GRM1: variants seen among roughly 807,000 people sequenced by gnomAD.
GRM1 encodes glutamate metabotropic receptor 1.
In GRM1, 33 loss-of-function variants were observed where a neutral mutation model predicts 90.9. The observed-to-expected ratio is 0.36, with a 90% CI of 0.28 to 0.49. The LOEUF (loss-of-function observed/expected upper bound fraction) is 0.49. GRM1 is among the 20% of genes least tolerant of loss of function. The pLI is 0.99. For synonymous variants in GRM1, 700 were observed against 613.2 expected (o/e 1.14, Z -2.09); for missense variants, 1,190 against 1,534.3 (o/e 0.78, Z 3.75).
At chr6:146,032,484 C>T (rs1562416238) in intron 1 of GRM1, among the ~76,000 whole-genome samples, 4 of 152,236 alleles carry the variant, frequency 2.6e-5, no homozygotes, top group Admixed American at 2.6e-4. Flanking sequence ...TGAGGTTTTG[C>T]CCTCCTGCTT....
chr6:146,394,666 A>G (rs1242614006), intron 6 of GRM1, among the ~76,000 whole-genome samples: 2 of 152,148 alleles, frequency 1.3e-5, no homozygotes, highest in African/African-American at 2.4e-5. Context: ...AAATGTCCTC[A>G]TATCACTGGA....
intron 1 of GRM1, among the ~76,000 whole-genome samples, chr6:146,045,996 T>G (rs1297396168): frequency 6.6e-6 from 1 of 151,918 alleles, no homozygotes; most frequent in African/African-American, 2.4e-5. Flanking sequence ...GTGTACTGAG[T>G]AGGAGGACCT....
intron 1 of GRM1, among the ~76,000 whole-genome samples, chr6:146,102,620 C>T (rs1777086924): frequency 6.6e-6 from 1 of 152,152 alleles, no homozygotes; most frequent in South Asian, 2.1e-4. Flanking sequence ...ATTTGGAGCA[C>T]TTATCAGCTT....
chr6:146,258,637 G>A (rs1159587055), intron 2 of GRM1, among the ~76,000 whole-genome samples: 1 of 151,914 alleles, frequency 6.6e-6, no homozygotes, highest in Non-Finnish European at 1.5e-5. Flanking sequence ...CTCCTGCCAT[G>A]GCCTCTGAAA....
intron 1 of GRM1, among the ~76,000 whole-genome samples, chr6:146,130,644 G>A (rs1776367285): frequency 6.6e-6 from 1 of 151,944 alleles, no homozygotes; most frequent in African/African-American, 2.4e-5. Flanking sequence ...TAAAACTCCA[G>A]AGAATCTTAT....
At chr6:146,267,789 A>C (rs1781975112) in intron 2 of GRM1, among the ~76,000 whole-genome samples, 1 of 149,468 alleles carries the variant, frequency 6.7e-6, no homozygotes, top group Admixed American at 6.7e-5. Flanking sequence ...CTTTATATTC[A>C]CTGGTGGCTG....
intron 3 of GRM1, among the ~76,000 whole-genome samples, chr6:146,325,151 T>C (rs910163770): frequency 6.6e-6 from 1 of 152,192 alleles, no homozygotes; most frequent in African/African-American, 2.4e-5. Context: ...ATTACTGTCC[T>C]GAGTTTCATG....
At chr6:146,094,733 A>T (rs955284195) in intron 1 of GRM1, among the ~76,000 whole-genome samples, 1 of 152,136 alleles carries the variant, frequency 6.6e-6, no homozygotes, top group Non-Finnish European at 1.5e-5. Flanking sequence ...GAATAGGAGA[A>T]TAATCAATAC....
chr6:146,374,667 T>C (rs1027319782), intron 5 of GRM1, among the ~76,000 whole-genome samples: 3 of 152,144 alleles, frequency 2.0e-5, no homozygotes, highest in African/African-American at 7.2e-5. Context: ...CAGTTGTTCA[T>C]AGTAGCCAGT....
intron 3 of GRM1, among the ~76,000 whole-genome samples, chr6:146,338,936 C>T (rs1009054755): frequency 6.6e-6 from 1 of 152,178 alleles, no homozygotes; most frequent in Non-Finnish European, 1.5e-5. Context: ...TATGCCCAGC[C>T]TCCTCCATAA....
intron 2 of GRM1, among the ~76,000 whole-genome samples, chr6:146,288,258 G>A (rs1175559689): frequency 6.6e-6 from 1 of 152,132 alleles, no homozygotes; most frequent in Admixed American, 6.5e-5. Flanking sequence ...GTAGAAACAA[G>A]GATGTTATAG....
intron 2 of GRM1, chr6:146,171,338 G>C (rs1778115934): frequency 6.6e-6 from 1 of 152,480 alleles, no homozygotes; most frequent in South Asian, 2.1e-4. Flanking sequence ...ACGCCACTCT[G>C]CATCCTACAG....
chr6:146,219,194 T>C (rs1365534542), intron 2 of GRM1, among the ~76,000 whole-genome samples: 1 of 152,180 alleles, frequency 6.6e-6, no homozygotes, highest in Non-Finnish European at 1.5e-5. Context: ...TTGAAGTAGT[T>C]TTTTAAAAGT....
At chr6:146,123,964 T>G (rs566086079) in intron 1 of GRM1, among the ~76,000 whole-genome samples, 1 of 152,334 alleles carries the variant, frequency 6.6e-6, no homozygotes, top group South Asian at 2.1e-4. Context: ...GTTTCGAGTT[T>G]TAGTAATAAA....
intron 1 of GRM1, among the ~76,000 whole-genome samples, chr6:146,032,067 G>A (rs1467428854): frequency 2.0e-5 from 3 of 152,100 alleles, no homozygotes; most frequent in Non-Finnish European, 4.4e-5. Context: ...GCTTTCTGAG[G>A]AGTAGAATTA....
At chr6:146,247,128 G>A (rs912852095) in intron 2 of GRM1, among the ~76,000 whole-genome samples, 1 of 152,144 alleles carries the variant, frequency 6.6e-6, no homozygotes, top group African/African-American at 2.4e-5. Context: ...AGTCCACAAG[G>A]TGTAACACAC....
intron 2 of GRM1, among the ~76,000 whole-genome samples, chr6:146,214,965 C>T (rs142174734): frequency 6.6e-6 from 1 of 152,152 alleles, no homozygotes; most frequent in Admixed American, 6.5e-5. Flanking sequence ...TGTGATCTAC[C>T]TTGCTCTGAA....
intron 1 of GRM1, among the ~76,000 whole-genome samples, chr6:146,124,755 T>A (rs1776132450): frequency 1.3e-5 from 2 of 152,176 alleles, no homozygotes; most frequent in Admixed American, 1.3e-4. Flanking sequence ...CAGAGCATTT[T>A]TATAACTTTA....
At chr6:146,387,555 A>T (rs1776553660) in intron 6 of GRM1, among the ~76,000 whole-genome samples, 1 of 152,142 alleles carries the variant, frequency 6.6e-6, no homozygotes, top group Non-Finnish European at 1.5e-5. Flanking sequence ...TTATTGAAAT[A>T]ATAGAGATAT....
Sources: allele counts gnomAD v4.1 joint callset (sites outside exome capture counted in the v4.1 genomes callset), GRCh38; gene constraint gnomAD v4.1.1; transcripts MANE v1.5; gene names NCBI Gene and HGNC (gene_info 2026-07-23, HGNC 2026-07-21).